Variants in ADAM21 observed in about 807,000 individuals in gnomAD.
The protein encoded by ADAM21 is ADAM metallopeptidase domain 21.
For missense variants in ADAM21, 678 were observed against 874.4 expected (o/e 0.78, Z 2.83); for synonymous variants, 262 against 306.0 (o/e 0.86, Z 1.50).
rs771552782 is a variant in ADAM21, at chr14:70,459,280, A to T, written c.1781A>T (p.Asp594Val). The change falls in exon 2 of 2, where the codon GAC (aspartate) becomes GTC (valine). Residue 594 changes from aspartate (D) to valine (V), a missense_variant. Transcript: ENST00000603540. ...HINGVTCWGI[D>V]YHLRMNISDI... ...AATGGTGTCACCTGCTGGGGTATTG[A>T]CTATCATTTAAGGATGAACATATCT... is the stretch of plus-strand genomic sequence containing the variant. 8 of 1,614,088 alleles carry T rather than the reference A, an allele frequency of 5.0e-6. No homozygotes were observed. The highest frequency in any genetic ancestry group is 6.8e-6 in the Non-Finnish European group (8 of 1,180,048).
chr14:70,455,479 T>C (rs1187636647), intron 1 of ADAM21, among the ~76,000 whole-genome samples: 4 of 151,994 alleles, frequency 2.6e-5, no homozygotes, highest in Non-Finnish European at 4.4e-5. Context: ...AGTATGAAAA[T>C]GAGGATTTAT....
chr14:70,457,812 A>C lies in ADAM21; in HGVS notation c.313A>C (p.Ile105Leu), dbSNP rs761731281. The part of the protein sequence containing the change: ...DRALLEDQLF[I>L]PDDCYYHGYV... ...TGCACTCCTGGAGGATCAGCTCTTC[A>C]TCCCAGATGACTGTTACTATCATGG... Residue 105 changes from isoleucine (I) to leucine (L), a missense_variant, in exon 2 of 2, where the codon ATC (isoleucine) becomes CTC (leucine). Ile to Leu is a conservative substitution (Grantham distance 5, BLOSUM62 2). Transcript: ENST00000603540. 9.3e-6 allele frequency: 15 copies of C among 1,613,502 alleles called. No homozygotes were observed. Among genetic ancestry groups the C allele is most frequent in the Non-Finnish European group, 1.2e-5 (14 of 1,179,802 alleles).
rs1889046550 is a variant in ADAM21, at chr14:70,452,213, T to TA, written c.-201dup. On this transcript the variant is annotated 5_prime_UTR_variant, in exon 1 of 2. The change abolishes the stop of an existing upstream ORF in the 5' untranslated region. Coordinates refer to ENST00000603540, the MANE Select transcript of ADAM21 (RefSeq NM_003813.4). ...GCTACAAACCATTGATAAAGCATGG[T>TA]ATAAACCATCTAGACAGAAATGGCC... is the stretch of plus-strand genomic sequence containing the variant. 6.6e-6 allele frequency: 1 copy of TA among 152,216 alleles called. No individual in the cohort carries two copies. The highest frequency in any genetic ancestry group is 2.1e-4 in the South Asian group (1 of 4,836). 9.4% of individuals were successfully genotyped at this position (152,216 alleles called of 1,614,324 possible).
chr14:70,452,933 G>T (rs1172150883), intron 1 of ADAM21, among the ~76,000 whole-genome samples: 1 of 152,184 alleles, frequency 6.6e-6, no homozygotes, highest in African/African-American at 2.4e-5. Flanking sequence ...CTGGAACCAT[G>T]AGGGGCTAAT....
Position 70,459,427 on chromosome 14 carries a change from G to C in ADAM21, c.1928G>C (p.Gly643Ala), listed in dbSNP as rs113798496. The change falls in exon 2 of 2, where the codon GGG becomes GCG. Residue 643 changes from glycine (G) to alanine (A), a missense_variant. Gly to Ala is a moderately conservative substitution (Grantham distance 60, BLOSUM62 0). Transcript: ENST00000603540. Reference sequence around the variant, plus strand: ...CTTCCTGAGACCTGCAATATGAAGGGGATCTGCAATAACAAACATCACTGC... The same window carrying C: ...CTTCCTGAGACCTGCAATATGAAGGCGATCTGCAATAACAAACATCACTGC... ...VCLPETCNMK[G>A]ICNNKHHCHC... 1 of 1,614,226 alleles carries C rather than the reference G, an allele frequency of 6.2e-7. No homozygotes were observed. Among genetic ancestry groups the C allele is most frequent in the Non-Finnish European group, 8.5e-7 (1 of 1,180,032 alleles).
chr14:70,457,536 A>G lies in ADAM21; in HGVS notation c.37A>G (p.Thr13Ala), dbSNP rs1191822610. The G allele has an allele frequency of 5.6e-6, 9 of 1,601,202 alleles. No individual in the cohort carries two copies. The highest frequency in any genetic ancestry group is 6.8e-6 in the Non-Finnish European group (8 of 1,174,944). ...VDGTLVYIRVTLLLLWLGVFL... is the reference protein window; with the variant it reads ...VDGTLVYIRVALLLLWLGVFL... ...TGGGACCCTCGTGTACATCAGAGTC[A>G]CTCTTCTGCTGCTCTGGCTTGGGGT... The change falls in exon 2 of 2, where the codon ACT (threonine) becomes GCT (alanine). Residue 13 changes from threonine (T) to alanine (A), a missense_variant. Physicochemically the swap from Thr to Ala is moderately conservative, Grantham distance 58. Transcript: ENST00000603540.
chr14:70,456,079 C>T (rs1420618434), intron 1 of ADAM21, among the ~76,000 whole-genome samples: 1 of 152,046 alleles, frequency 6.6e-6, no homozygotes, highest in Non-Finnish European at 1.5e-5. Flanking sequence ...ATGCTCAGTG[C>T]TTACTAGCCT....
chr14:70,457,511 T>C lies in ADAM21; in HGVS notation c.12T>C (p.Asp4=). The C allele has an allele frequency of 6.3e-7, 1 of 1,591,070 alleles. No individual in the cohort carries two copies. Among genetic ancestry groups the C allele is most frequent in the Non-Finnish European group, 8.6e-7 (1 of 1,164,372 alleles). The part of the protein sequence containing the change: MAV[D]GTLVYIRVTL... ...ACGACAGCTTCATAATGGCAGTGGA[T>C]GGGACCCTCGTGTACATCAGAGTCA... The change falls in exon 2 of 2, where the codon GAT becomes GAC. Residue 4 remains aspartate, a synonymous_variant. Coordinates refer to ENST00000603540, the MANE Select transcript of ADAM21 (RefSeq NM_003813.4).
Position 70,458,948 on chromosome 14 carries a change from G to C in ADAM21, c.1449G>C (p.Gln483His). The stretch of plus-strand genomic sequence containing the variant: ...AATGGTGCAATGGAACATCTCATCA[G>C]TGTCCAGAAGATAGATATGTGCAGG... Reference protein sequence around the residue: ...LPEWCNGTSHQCPEDRYVQDG... With the variant: ...LPEWCNGTSHHCPEDRYVQDG... Residue 483 changes from glutamine to histidine, a missense_variant, in exon 2 of 2, where the codon CAG (glutamine) becomes CAC (histidine). Transcript: ENST00000603540. The C allele has an allele frequency of 6.2e-7, 1 of 1,614,104 alleles. No individual in the cohort carries two copies. The highest frequency in any genetic ancestry group is 8.5e-7 in the Non-Finnish European group (1 of 1,180,022).
chr14:70,456,028 A>G (rs185942019), intron 1 of ADAM21, among the ~76,000 whole-genome samples: 14 of 152,264 alleles, frequency 9.2e-5, no homozygotes, highest in African/African-American at 3.4e-4. Flanking sequence ...GGTTTTGATC[A>G]TATTATATTA....
At chr14:70,453,192 C>G (rs994526778) in intron 1 of ADAM21, among the ~76,000 whole-genome samples, 25 of 152,166 alleles carry the variant, frequency 1.6e-4, no homozygotes, top group African/African-American at 6.0e-4. Context: ...TATTTCTGTT[C>G]TATTTCCTCA....
chr14:70,459,052 T>G lies in ADAM21; in HGVS notation c.1553T>G (p.Phe518Cys), dbSNP rs767972753. 3.1e-6 allele frequency: 5 copies of G among 1,613,882 alleles called. No individual in the cohort carries two copies. In the East Asian group the frequency reaches 1.1e-4, roughly 36 times the overall value. ...NNHDQHCREI[F>C]GKDAKSASQN... ...CATGACCAGCATTGCAGGGAGATTT[T>G]TGGTAAAGATGCAAAAAGTGCATCT... Residue 518 changes from phenylalanine (F) to cysteine (C), a missense_variant, in exon 2 of 2, where the codon TTT becomes TGT. Physicochemically the swap from Phe to Cys is radical, Grantham distance 205. Coordinates refer to ENST00000603540, the MANE Select transcript of ADAM21 (RefSeq NM_003813.4).
Position 70,458,201 on chromosome 14 carries a change from T to C in ADAM21, c.702T>C (p.Asp234=). 1 of 1,613,948 alleles carries C rather than the reference T, an allele frequency of 6.2e-7. No individual in the cohort carries two copies. Among genetic ancestry groups the C allele is most frequent in the Non-Finnish European group, 8.5e-7 (1 of 1,179,982 alleles). ...GCAACATCTCAAAGGTGCAAGAGGA[T>C]GTATTTCTTGTTGTCAACATAGTGG... The part of the protein sequence containing the change: ...SQSNISKVQE[D]VFLVVNIVDS... The change falls in exon 2 of 2, where the codon GAT becomes GAC. Residue 234 remains aspartate, a synonymous_variant. Transcript: ENST00000603540.
chr14:70,459,332 T>C lies in ADAM21; in HGVS notation c.1833T>C (p.Thr611=). Residue 611 remains threonine, a synonymous_variant, in exon 2 of 2, where the codon ACT becomes ACC. Transcript: ENST00000603540. ...ISDIGEVKDG[T]VCGPGKICIH... ...ACATTGGTGAAGTGAAAGATGGTACTGTGTGTGGCCCAGGAAAGATCTGCA... is the reference window on the plus strand; with the variant it reads ...ACATTGGTGAAGTGAAAGATGGTACCGTGTGTGGCCCAGGAAAGATCTGCA... 8.7e-6 allele frequency: 14 copies of C among 1,614,220 alleles called. No homozygotes were observed. Among genetic ancestry groups the C allele is most frequent in the Non-Finnish European group, 1.2e-5 (14 of 1,180,030 alleles).
chr14:70,453,121 C>T (rs1341212854), intron 1 of ADAM21, among the ~76,000 whole-genome samples: 2 of 152,100 alleles, frequency 1.3e-5, no homozygotes, highest in Admixed American at 6.5e-5. Flanking sequence ...CACACTTACA[C>T]CCCACATATT....
At chr14:70,452,342 TTTTTG>T (rs1193266357) in intron 1 of ADAM21, 79 bp downstream of exon 1, 1 of 153,220 alleles carries the variant, frequency 6.5e-6, no homozygotes, top group African/African-American at 2.4e-5. Context: ...AGTCTCTTAA[TTTTTG>T]TTTTGTTTTC....
At position 70,455,568 on chromosome 14, in the gene ADAM21, C is replaced by T. The variant is rs527804274; in HGVS notation, c.-151-1781C>T. 2.6e-5 allele frequency among the ~76,000 whole-genome samples: 4 copies of T among 152,128 alleles called. No individual in the cohort carries two copies. The South Asian group carries it at 8.3e-4, about 32-fold the overall frequency. On this transcript the variant is annotated intron_variant, in intron 1 of 1. Transcript: ENST00000603540. ...CCATAAACATCACAAAATTTAATCC[C>T]CTCAGTATTACATTAATCAACTTCC... is the stretch of plus-strand genomic sequence containing the variant.
Position 70,458,705 on chromosome 14 carries a change from A to T in ADAM21, c.1206A>T (p.Glu402Asp). 6.2e-7 allele frequency: 1 copy of T among 1,614,108 alleles called. No individual in the cohort carries two copies. Among genetic ancestry groups the T allele is most frequent in the South Asian group, 1.1e-5 (1 of 91,074 alleles). Residue 402 changes from glutamate (E) to aspartate (D), a missense_variant, in exon 2 of 2, where the codon GAA (glutamate) becomes GAT (aspartate). By Grantham distance (45) the Glu-to-Asp change is conservative. Transcript: ENST00000603540. ...SCLHNPPRLG[E>D]IFMLKRCGNG... ...TGCATAATCCTCCAAGATTGGGGGA[A>T]ATCTTTATGCTAAAGCGCTGTGGGA...
chr14:70,453,143 G>C (rs950222811), intron 1 of ADAM21, among the ~76,000 whole-genome samples: 1 of 152,204 alleles, frequency 6.6e-6, no homozygotes, highest in Non-Finnish European at 1.5e-5. Flanking sequence ...GGCACTGTGT[G>C]TGCAAGGTTG....
Sources: allele counts gnomAD v4.1 joint callset (sites outside exome capture counted in the v4.1 genomes callset), GRCh38; gene constraint gnomAD v4.1.1; transcripts MANE v1.5; gene names NCBI Gene and HGNC (gene_info 2026-07-23, HGNC 2026-07-21).